GSTA3: variants seen among roughly 807,000 people sequenced by gnomAD.
The protein encoded by GSTA3 is glutathione S-transferase alpha 3, also known as glutathione S-transferase A3.
In GSTA3, 16 loss-of-function variants were observed where a neutral mutation model predicts 23.1. The observed-to-expected ratio is 0.69, with a 90% CI of 0.47 to 1.05. The LOEUF is 1.05. Among genes scored for constraint, GSTA3 ranks in the 50% least tolerant of loss-of-function variants. The pLI, the probability that GSTA3 is intolerant of heterozygous loss-of-function variation, is 0.00. For synonymous variants in GSTA3, 122 were observed against 91.0 expected (o/e 1.34, Z -1.94); for missense variants, 319 against 263.6 (o/e 1.21, Z -1.46).
Position 52,897,840 on chromosome 6 carries a change from G to T in GSTA3, c.531C>A (p.Asn177Lys), listed in dbSNP as rs772756711. 3 of 1,613,680 alleles carry T rather than the reference G, an allele frequency of 1.9e-6. No homozygotes were observed. The highest frequency in any genetic ancestry group is 4.5e-5 in the East Asian group (2 of 44,880). ...AATGGGTCACCTTCAGCAGAGGGAA[G>T]TTGGAGATAAGGCTGGAGTCAAGCT... Reference protein sequence around the residue: ...VEELDSSLISNFPLLKALKTR... With the variant: ...VEELDSSLISKFPLLKALKTR... The change falls in exon 6 of 7, where the codon AAC becomes AAA. Residue 177 changes from asparagine (N) to lysine (K), a missense_variant. Asn to Lys is a moderately conservative substitution (Grantham distance 94, BLOSUM62 0). Transcript: ENST00000211122.
At chr6:52,903,094 G>A (rs1765750088) in intron 3 of GSTA3, among the ~76,000 whole-genome samples, 1 of 152,128 alleles carries the variant, frequency 6.6e-6, no homozygotes, top group Admixed American at 6.5e-5. Flanking sequence ...GGTGCCCCAA[G>A]CATGAAAACA....
At position 52,900,014 on chromosome 6, in the gene GSTA3, A is replaced by G. The variant is rs373014307; in HGVS notation, c.334T>C (p.Cys112Arg). 3.9e-5 allele frequency: 63 copies of G among 1,613,520 alleles called. No individual in the cohort carries two copies. The highest frequency in any genetic ancestry group is 5.3e-5 in the Non-Finnish European group (62 of 1,179,540). Residue 112 changes from cysteine (C) to arginine (R), a missense_variant, in exon 5 of 7, where the codon TGT (cysteine) becomes CGT (arginine). Coordinates refer to ENST00000211122, the MANE Select transcript of GSTA3 (RefSeq NM_000847.5). Reference sequence around the variant, plus strand: ...TTGGCATCTTTTTCCTCAGGTCGACATAAGGGCAGAAGAAGGATCATTTCA... The same window carrying G: ...TTGGCATCTTTTTCCTCAGGTCGACGTAAGGGCAGAAGAAGGATCATTTCA... ...LNEMILLLPLCRPEEKDAKIA... is the reference protein window; with the variant it reads ...LNEMILLLPLRRPEEKDAKIA...
intron 2 of GSTA3, among the ~76,000 whole-genome samples, chr6:52,904,129 G>A (rs1765805429): frequency 2.0e-5 from 3 of 152,072 alleles, no homozygotes; most frequent in Non-Finnish European, 4.4e-5. Flanking sequence ...TGGGACTATA[G>A]GCATGCACCA....
At chr6:52,900,495 T>C (rs1765643012) in intron 4 of GSTA3, among the ~76,000 whole-genome samples, 1 of 152,098 alleles carries the variant, frequency 6.6e-6, no homozygotes, top group Admixed American at 6.6e-5. Flanking sequence ...ACCCCTGACC[T>C]CACGTGATCC....
At chr6:52,906,824 A>C (rs2127364228) in intron 1 of GSTA3, among the ~76,000 whole-genome samples, 1 of 151,490 alleles carries the variant, frequency 6.6e-6, no homozygotes, top group Admixed American at 6.6e-5. Context: ...AAGATGGATT[A>C]AAGACTTAAA....
chr6:52,899,886 A>G (rs778715280), intron 5 of GSTA3, 48 bp downstream of exon 5: 57 of 1,594,316 alleles, frequency 3.6e-5, no homozygotes, highest in Non-Finnish European at 4.7e-5. Context: ...CTATTTTTCT[A>G]CTGGCCTCTA....
intron 2 of GSTA3, among the ~76,000 whole-genome samples, chr6:52,904,006 A>G (rs540080831): frequency 2.6e-5 from 4 of 152,022 alleles, no homozygotes. Flanking sequence ...TATTTTTTTG[A>G]GACAGAGTCT....
intron 1 of GSTA3, among the ~76,000 whole-genome samples, chr6:52,909,366 G>A (rs1765993894): frequency 6.6e-6 from 1 of 152,216 alleles, no homozygotes; most frequent in Non-Finnish European, 1.5e-5. Context: ...GCCTGGCACT[G>A]ATGTGGTTGT....
intron 6 of GSTA3, among the ~76,000 whole-genome samples, chr6:52,897,348 A>G (rs1765483812): frequency 6.6e-6 from 1 of 152,248 alleles, no homozygotes; most frequent in African/African-American, 2.4e-5. Context: ...TTTCTCAGTG[A>G]GAGATACAGG....
intron 1 of GSTA3, among the ~76,000 whole-genome samples, chr6:52,908,894 C>T (rs1262542215): frequency 3.3e-5 from 5 of 151,928 alleles, no homozygotes; most frequent in Non-Finnish European, 7.4e-5. Flanking sequence ...CCCTGCTCAC[C>T]CTTTGGTCCC....
chr6:52,906,136 C>T (rs565821334), intron 1 of GSTA3, among the ~76,000 whole-genome samples: 1 of 152,154 alleles, frequency 6.6e-6, no homozygotes. Context: ...CATTATGTTC[C>T]AACCTAGTTG....
intron 1 of GSTA3, among the ~76,000 whole-genome samples, chr6:52,909,061 G>A (rs1581873785): frequency 6.6e-6 from 1 of 152,190 alleles, no homozygotes. Context: ...CAATCACAAA[G>A]TCACTTATAT....
At chr6:52,904,082 G>A (rs958219262) in intron 2 of GSTA3, among the ~76,000 whole-genome samples, 1 of 152,008 alleles carries the variant, frequency 6.6e-6, no homozygotes, top group African/African-American at 2.4e-5. Flanking sequence ...GATCTACCAG[G>A]CCCAAGTGAC....
At chr6:52,900,652 G>A (rs1380787339) in intron 4 of GSTA3, among the ~76,000 whole-genome samples, 3 of 152,054 alleles carry the variant, frequency 2.0e-5, no homozygotes, top group Non-Finnish European at 4.4e-5. Context: ...AAAGAGCATC[G>A]GTGACCTGTC....
rs1765869713 is a variant in GSTA3 at position 52,905,761 on chromosome 6, G to T, written c.74C>A (p.Ala25Glu). ...CTTAGAACATACCTCCACTCCAGCT[G>T]CAGCCAAGAGCCACCGGATGGGCTC... is the stretch of plus-strand genomic sequence containing the variant. ...RMEPIRWLLA[A>E]AGVEFEEKFI... is the part of the protein sequence containing the mutation. The change falls in exon 2 of 7, where the codon GCA becomes GAA. Residue 25 changes from alanine (A) to glutamate (E), a missense_variant. By Grantham distance (107) the Ala-to-Glu change is moderately radical. Transcript: ENST00000211122. The T allele has an allele frequency of 1.9e-6, 3 of 1,599,926 alleles. No individual in the cohort carries two copies. The highest frequency in any genetic ancestry group is 1.7e-5 in the Admixed American group (1 of 59,514).
rs45523836 is a variant in GSTA3 at position 52,905,260 on chromosome 6, T to G, written c.87+488A>C. Among the ~76,000 whole-genome samples, 1,064 of 152,304 alleles carry G rather than the reference T, an allele frequency of 7.0e-3. 10 individuals carry two copies. Among genetic ancestry groups the G allele is most frequent in the African/African-American group, 0.023 (972 of 41,570 alleles). ...TTTGTATGCCCAGCTTCTCTCCTCCTCTGTCATAATATGAAACAAATCTGA... is the reference window on the plus strand; with the variant it reads ...TTTGTATGCCCAGCTTCTCTCCTCCGCTGTCATAATATGAAACAAATCTGA... On this transcript the variant is annotated intron_variant, in intron 2 of 6. Transcript: ENST00000211122.
chr6:52,897,017 A>G, intron 6 of GSTA3, 89 bp from the exon 7 acceptor site: 1 of 1,559,380 alleles, frequency 6.4e-7, no homozygotes, highest in South Asian at 1.2e-5. Context: ...CTCCTGCCAG[A>G]GACCAAGTGA....
At chr6:52,896,956 G>T (rs1237376470) in intron 6 of GSTA3, 28 bp from the exon 7 acceptor site, 1 of 1,612,888 alleles carries the variant, frequency 6.2e-7, no homozygotes, top group East Asian at 2.2e-5. Context: ...CAGCCTCAGA[G>T]TGAAGCCAAG....
intron 4 of GSTA3, among the ~76,000 whole-genome samples, chr6:52,900,952 G>C (rs1381136984): frequency 6.6e-6 from 1 of 152,108 alleles, no homozygotes; most frequent in Non-Finnish European, 1.5e-5. Context: ...CTATCCATGT[G>C]CTATTGCCCA....
Sources: allele counts gnomAD v4.1 joint callset (sites outside exome capture counted in the v4.1 genomes callset), GRCh38; gene constraint gnomAD v4.1.1; transcripts MANE v1.5; gene names NCBI Gene and HGNC (gene_info 2026-07-23, HGNC 2026-07-21).